The following AFF3 variants were observed in gnomAD, a reference collection of about 807,000 sequenced individuals.
The protein encoded by AFF3 is ALF transcription elongation factor 3, also known as AF4/FMR2 family member 3.
A neutral mutation model predicts 129.7 loss-of-function variants in AFF3; 32 were observed. The observed-to-expected ratio is 0.25, with a 90% confidence interval of 0.19 to 0.33. AFF3 has a LOEUF of 0.33. Ranked by LOEUF, AFF3 falls within the 10% of genes least tolerant of loss-of-function variation. The probability of loss-of-function intolerance (pLI) is 1.00; values close to 1 mark genes in which losing one functional copy is unlikely to be tolerated. For missense variants in AFF3, 1,373 were observed against 1,592.0 expected, an observed-to-expected ratio of 0.86 and a Z score of 2.34; for synonymous variants, 644 against 635.4, an observed-to-expected ratio of 1.01 and a Z score of -0.20.
intron 4 of AFF3, among the ~76,000 whole-genome samples, chr2:100,039,968 T>C (rs1252196241): frequency 2.0e-5 from 3 of 152,192 alleles, no homozygotes; most frequent in African/African-American, 7.2e-5. Context: ...TGTCAAATTG[T>C]GTTTTCATCT....
At chr2:99,768,674 C>T (rs947456083) in intron 8 of AFF3, among the ~76,000 whole-genome samples, 1 of 152,142 alleles carries the variant, frequency 6.6e-6, no homozygotes, top group African/African-American at 2.4e-5. Context: ...TCTTATACGA[C>T]AGGTCTGGTG....
chr2:99,639,232 A>G (rs908087857), intron 13 of AFF3, among the ~76,000 whole-genome samples: 1 of 152,214 alleles, frequency 6.6e-6, no homozygotes, highest in East Asian at 1.9e-4. Context: ...ATAGAACTCA[A>G]TGGCTTCTCT....
At chr2:99,635,506 C>A (rs1238847014) in intron 13 of AFF3, among the ~76,000 whole-genome samples, 1 of 152,094 alleles carries the variant, frequency 6.6e-6, no homozygotes, top group African/African-American at 2.4e-5. Flanking sequence ...CTTGCCATGG[C>A]ACCCAGGCTG....
At chr2:100,023,546 G>A (rs966184042) in intron 4 of AFF3, among the ~76,000 whole-genome samples, 1 of 152,152 alleles carries the variant, frequency 6.6e-6, no homozygotes, top group African/African-American at 2.4e-5. Context: ...GAAACAGCAA[G>A]GCCTCCCATT....
intron 9 of AFF3, among the ~76,000 whole-genome samples, chr2:99,747,432 C>T (rs1421220559): frequency 6.6e-6 from 1 of 152,090 alleles, no homozygotes; most frequent in Non-Finnish European, 1.5e-5. Context: ...TAGGCTCAAG[C>T]GATCCTCCTG....
intron 8 of AFF3, among the ~76,000 whole-genome samples, chr2:99,815,055 G>C (rs2105622639): frequency 6.6e-6 from 1 of 151,978 alleles, no homozygotes; most frequent in South Asian, 2.1e-4. Flanking sequence ...CACTAAGAGT[G>C]ACTGGAGAAC....
At position 99,546,715 on chromosome 2, in the gene AFF3, A is replaced by G. The variant is rs1674083482; in HGVS notation, c.*4759T>C. 1 of 226,126 alleles carries G rather than the reference A, an allele frequency of 4.4e-6. No homozygotes were observed. 14.0% of individuals were successfully genotyped at this position (226,126 alleles called of 1,614,324 possible). A position where few individuals can be genotyped will look rare whatever the true frequency, so the allele number is the denominator to read the frequency against. On this transcript the variant is annotated 3_prime_UTR_variant, in exon 25 of 25. Transcript: ENST00000672756. ...ATGCCTCCGTCTTCTTTAGTTCAAAATTATCTTATTTTACTCAACCAAATA... is the reference window on the plus strand; with the variant it reads ...ATGCCTCCGTCTTCTTTAGTTCAAAGTTATCTTATTTTACTCAACCAAATA...
intron 4 of AFF3, among the ~76,000 whole-genome samples, chr2:100,038,344 A>C (rs1166741801): frequency 6.6e-6 from 1 of 151,868 alleles, no homozygotes; most frequent in Non-Finnish European, 1.5e-5. Context: ...TTCCAGCAAC[A>C]ATCAAGTTGT....
At chr2:99,601,690 C>G in intron 13 of AFF3, 69 bp from the exon 14 acceptor site, 1 of 1,535,604 alleles carries the variant, frequency 6.5e-7, no homozygotes, top group Non-Finnish European at 8.7e-7. Context: ...GAAAACACCA[C>G]CAAGCTGTCA....
At chr2:99,969,159 T>G (rs1231811903) in intron 7 of AFF3, among the ~76,000 whole-genome samples, 1 of 152,158 alleles carries the variant, frequency 6.6e-6, no homozygotes, top group Non-Finnish European at 1.5e-5. Flanking sequence ...AAGATGGAGG[T>G]GCACTGCCCC....
chr2:99,890,761 C>T (rs1693489134), intron 7 of AFF3, among the ~76,000 whole-genome samples: 1 of 152,130 alleles, frequency 6.6e-6, no homozygotes, highest in Non-Finnish European at 1.5e-5. Flanking sequence ...ATGCCCCTGG[C>T]CTATCAGGTA....
intron 7 of AFF3, among the ~76,000 whole-genome samples, chr2:99,994,446 G>A (rs1016692112): frequency 4.6e-5 from 7 of 152,142 alleles, no homozygotes; most frequent in Admixed American, 1.3e-4. Flanking sequence ...TGGGATTTGA[G>A]TTGATTTTTA....
intron 11 of AFF3, among the ~76,000 whole-genome samples, chr2:99,673,366 G>C (rs4325808): frequency 0.48 from 73,436 of 151,808 alleles, 17,840 homozygotes; most frequent in East Asian, 0.63. Flanking sequence ...GCCCACCCAG[G>C]TCCCCCCATT....
chr2:100,107,907 A>G (rs1003766745), intron 2 of AFF3, among the ~76,000 whole-genome samples: 17 of 152,180 alleles, frequency 1.1e-4, no homozygotes, highest in African/African-American at 3.6e-4. Flanking sequence ...ACGCAGCTGC[A>G]ACTCAGAGGT....
chr2:99,718,986 C>T (rs1415058181), intron 11 of AFF3, among the ~76,000 whole-genome samples: 1 of 150,068 alleles, frequency 6.7e-6, no homozygotes, highest in African/African-American at 2.5e-5. Context: ...CTCCTGACCT[C>T]ATGATCCACC....
rs143679671 is a variant in AFF3 at position 99,792,294 on chromosome 2, C to T, written c.922-39993G>A. On this transcript the variant is annotated intron_variant, in intron 8 of 24. Coordinates refer to ENST00000672756, the MANE Select transcript of AFF3 (RefSeq NM_001386135.1). Reference sequence around the variant, plus strand: ...TTCAAGACCAGCCTGGGTAAGAAGACTCTGCCTCTACAAAATATAAAAAAA... The same window carrying T: ...TTCAAGACCAGCCTGGGTAAGAAGATTCTGCCTCTACAAAATATAAAAAAA... 5.4e-4 allele frequency among the ~76,000 whole-genome samples: 82 copies of T among 152,206 alleles called. No homozygotes were observed. The Middle Eastern group carries it at 0.02, about 38-fold the overall frequency.
At chr2:99,731,085 G>A (rs2105030854) in intron 10 of AFF3, among the ~76,000 whole-genome samples, 1 of 152,082 alleles carries the variant, frequency 6.6e-6, no homozygotes, top group East Asian at 1.9e-4. Flanking sequence ...AGCCTCCTGA[G>A]CAGCTGGGAT....
At chr2:99,891,309 T>C (rs1283367803) in intron 7 of AFF3, among the ~76,000 whole-genome samples, 2 of 151,926 alleles carry the variant, frequency 1.3e-5, no homozygotes, top group South Asian at 2.1e-4. Context: ...TTTGGAGCAG[T>C]TGTTTGTGGG....
intron 12 of AFF3, among the ~76,000 whole-genome samples, chr2:99,666,103 A>C (rs979049104): frequency 6.6e-6 from 1 of 152,184 alleles, no homozygotes; most frequent in African/African-American, 2.4e-5. Context: ...AGGATGAGTG[A>C]AGATGGAAGC....
Sources: gnomAD v4.1 joint callset for allele counts (sites outside exome capture counted in the v4.1 genomes callset) on GRCh38, gnomAD v4.1.1 for gene constraint, MANE v1.5 for transcripts, NCBI Gene and HGNC (gene_info 2026-07-23, HGNC 2026-07-21) for gene names.